The following NXPH1 variants were observed in gnomAD, a reference collection of about 807,000 sequenced individuals.
NXPH1 encodes neurexophilin-1.
Under a neutral mutation model 23.7 loss-of-function variants are expected in NXPH1, and 5 were observed. The observed-to-expected ratio is 0.21, with a 90% confidence interval of 0.11 to 0.44. The LOEUF is 0.44. Among genes scored for constraint, NXPH1 ranks in the 20% least tolerant of loss-of-function variants. The probability of loss-of-function intolerance (pLI) is 0.99; values close to 1 mark genes in which losing one functional copy is unlikely to be tolerated. For synonymous variants in NXPH1, 144 were observed against 122.2 expected, an observed-to-expected ratio of 1.18 and a Z score of -1.18; for missense variants, 324 against 321.6, an observed-to-expected ratio of 1.01 and a Z score of -0.06.
chr7:8,657,751 G>C (rs534385977), intron 2 of NXPH1, among the ~76,000 whole-genome samples: 1 of 152,362 alleles, frequency 6.6e-6, no homozygotes, highest in East Asian at 1.9e-4. Context: ...TACTGGACCA[G>C]GTGCAGTGGC....
At position 8,487,898 on chromosome 7, in the gene NXPH1, A is replaced by T. The variant is rs181243534; in HGVS notation, c.54+52131A>T. 4.5e-4 allele frequency among the ~76,000 whole-genome samples: 68 copies of T among 152,236 alleles called. 1 individual carries two copies. The highest frequency in any genetic ancestry group is 3.4e-3 in the Middle Eastern group (1 of 294). ...TTATTAAGTAATTTAAACTTCCGAA[A>T]CTTAATTTCCTTATCTGAAGAATTT... On this transcript the variant is annotated intron_variant, in intron 2 of 2. Transcript: ENST00000405863.
chr7:8,625,063 G>T (rs1819958097), intron 2 of NXPH1, among the ~76,000 whole-genome samples: 1 of 152,098 alleles, frequency 6.6e-6, no homozygotes. Flanking sequence ...AATCCATATT[G>T]TAGTGTCATT....
intron 2 of NXPH1, among the ~76,000 whole-genome samples, chr7:8,490,752 G>T (rs1455223468): frequency 3.3e-5 from 5 of 152,004 alleles, no homozygotes; most frequent in Non-Finnish European, 7.4e-5. Flanking sequence ...TAAGGGGGAA[G>T]GAGACAAAAT....
intron 2 of NXPH1, among the ~76,000 whole-genome samples, chr7:8,469,543 A>C (rs990466680): frequency 3.3e-5 from 5 of 152,058 alleles, no homozygotes; most frequent in African/African-American, 1.2e-4. Flanking sequence ...TCCTTTCATG[A>C]AACTACTAGT....
At chr7:8,496,930 A>T (rs1211035689) in intron 2 of NXPH1, among the ~76,000 whole-genome samples, 1 of 152,112 alleles carries the variant, frequency 6.6e-6, no homozygotes, top group African/African-American at 2.4e-5. Context: ...CAGGTTTGTT[A>T]CATATGTATA....
chr7:8,711,259 G>C (rs184621527), intron 2 of NXPH1, among the ~76,000 whole-genome samples: 1 of 152,142 alleles, frequency 6.6e-6, no homozygotes, highest in African/African-American at 2.4e-5. Context: ...TGTATATTTG[G>C]TTCTCTTTGT....
intron 2 of NXPH1, among the ~76,000 whole-genome samples, chr7:8,719,458 G>A (rs2115205168): frequency 6.8e-6 from 1 of 146,662 alleles, no homozygotes; most frequent in Non-Finnish European, 1.5e-5. Flanking sequence ...GGGGACATTG[G>A]GTGGTATTTT....
intron 2 of NXPH1, among the ~76,000 whole-genome samples, chr7:8,571,017 CTATCTAATCTAATCTAATCT>C: frequency 8.3e-6 from 1 of 120,364 alleles, no homozygotes; most frequent in East Asian, 2.4e-4. Context: ...ATCTGTCTGT[CTATCTAATCTAATCTAATCT>C]AATCTAATCT....
chr7:8,582,396 C>G (rs1005576018), intron 2 of NXPH1, among the ~76,000 whole-genome samples: 5 of 152,170 alleles, frequency 3.3e-5, no homozygotes, highest in Admixed American at 2.6e-4. Flanking sequence ...GGTATGTGCA[C>G]ACCCAACTGG....
chr7:8,694,874 T>C (rs139970835), intron 2 of NXPH1, among the ~76,000 whole-genome samples: 30 of 152,310 alleles, frequency 2.0e-4, no homozygotes, highest in African/African-American at 6.7e-4. Flanking sequence ...AAATAACTGT[T>C]AAATTAAGTT....
chr7:8,604,295 A>T (rs920190205), intron 2 of NXPH1, among the ~76,000 whole-genome samples: 5 of 152,110 alleles, frequency 3.3e-5, no homozygotes, highest in Admixed American at 3.3e-4. Context: ...GATCTTTTAT[A>T]TTTCTAATTA....
At chr7:8,705,158 T>C (rs1779683334) in intron 2 of NXPH1, among the ~76,000 whole-genome samples, 1 of 152,190 alleles carries the variant, frequency 6.6e-6, no homozygotes, top group African/African-American at 2.4e-5. Flanking sequence ...TACAAAATTG[T>C]AGACTGCACT....
chr7:8,439,294 C>A (rs1203321534), intron 2 of NXPH1, among the ~76,000 whole-genome samples: 1 of 152,112 alleles, frequency 6.6e-6, no homozygotes, highest in African/African-American at 2.4e-5. Context: ...GGGGTTCTAA[C>A]TTGAATCAGC....
intron 2 of NXPH1, among the ~76,000 whole-genome samples, chr7:8,736,654 C>G (rs141958772): frequency 6.6e-6 from 1 of 152,088 alleles, no homozygotes; most frequent in Admixed American, 6.6e-5. Context: ...TCCTCTTGGT[C>G]CATAGCTGAG....
chr7:8,443,031 T>G (rs1239466261), intron 2 of NXPH1, among the ~76,000 whole-genome samples: 1 of 152,214 alleles, frequency 6.6e-6, no homozygotes, highest in Non-Finnish European at 1.5e-5. Context: ...CAGTAGGGCC[T>G]GCCTCCCCCG....
intron 2 of NXPH1, among the ~76,000 whole-genome samples, chr7:8,739,186 A>C (rs1780317438): frequency 1.3e-5 from 2 of 149,662 alleles, no homozygotes; most frequent in South Asian, 2.1e-4. Context: ...AAAAAAAAAA[A>C]AAAAAAAAAA....
chr7:8,587,024 C>G (rs1818993208), intron 2 of NXPH1, among the ~76,000 whole-genome samples: 1 of 152,050 alleles, frequency 6.6e-6, no homozygotes, highest in Non-Finnish European at 1.5e-5. Context: ...TGGGATCATG[C>G]TATACCCGCT....
intron 2 of NXPH1, among the ~76,000 whole-genome samples, chr7:8,669,054 C>T (rs1002908115): frequency 9.2e-5 from 14 of 152,140 alleles, no homozygotes; most frequent in Admixed American, 3.9e-4. Flanking sequence ...TTTGGGTCCA[C>T]AGGGATGGTC....
chr7:8,591,065 G>C (rs180878444), intron 2 of NXPH1, among the ~76,000 whole-genome samples: 2 of 152,052 alleles, frequency 1.3e-5, no homozygotes, highest in African/African-American at 4.8e-5. Flanking sequence ...GTTTAGAACA[G>C]CGTAAGAAAA....
Sources: allele counts gnomAD v4.1 joint callset (sites outside exome capture counted in the v4.1 genomes callset), GRCh38; gene constraint gnomAD v4.1.1; transcripts MANE v1.5; gene names NCBI Gene and HGNC (gene_info 2026-07-23, HGNC 2026-07-21).